The following KIRREL2 variants were observed in gnomAD, a reference collection of about 807,000 sequenced individuals.
The protein encoded by KIRREL2 is kin of IRRE-like protein 2.
KIRREL2 carries 56 observed loss-of-function variants against 73.4 expected under a neutral mutation model. That is an observed-to-expected ratio of 0.76 (90% CI 0.62 to 0.95). The LOEUF is 0.95. Among genes scored for constraint, KIRREL2 ranks in the 40% least tolerant of loss-of-function variants. The probability of loss-of-function intolerance (pLI) is 0.00; values close to 1 mark genes in which losing one functional copy is unlikely to be tolerated. For synonymous variants in KIRREL2, 407 were observed against 404.0 expected (o/e 1.01, Z -0.09); for missense variants, 896 against 935.0 (o/e 0.96, Z 0.54).
chr19:35,865,582 C>T (rs767122463), intron 14 of KIRREL2, among the ~76,000 whole-genome samples: 10 of 152,168 alleles, frequency 6.6e-5, no homozygotes, highest in Non-Finnish European at 1.3e-4. Flanking sequence ...CATGACAGCT[C>T]GATCATTTTG....
At chr19:35,853,740 T>A (rs1340182781), upstream of KIRREL2, among the ~76,000 whole-genome samples, 1 of 152,016 alleles carries the variant, frequency 6.6e-6, no homozygotes, top group Non-Finnish European at 1.5e-5. Flanking sequence ...GGTGTGATCA[T>A]GGCTCATTGA....
chr19:35,865,588 T>C (rs1480132534), intron 14 of KIRREL2, among the ~76,000 whole-genome samples: 1 of 152,192 alleles, frequency 6.6e-6, no homozygotes, highest in African/African-American at 2.4e-5. Context: ...AGCTCGATCA[T>C]TTTGCCTGTG....
chr19:35,862,593 C>T lies in KIRREL2; in HGVS notation c.1611C>T (p.Ser537=), dbSNP rs753470555. The change falls in exon 12 of 15, where the codon AGC becomes AGT. Residue 537 remains serine, a synonymous_variant. Transcript: ENST00000360202. ...TGGCCCTCTGCTGCTGGCGCCACAG[C>T]AAGGGTTAGTGCCTGAGCCCCGCCC... ...TGVALCCWRH[S]KASASFSEQK... is the part of the protein sequence containing the mutation. 5 of 1,604,876 alleles carry T rather than the reference C, an allele frequency of 3.1e-6. No individual in the cohort carries two copies. The highest frequency in any genetic ancestry group is 4.2e-6 in the Non-Finnish European group (5 of 1,178,134).
Position 35,860,570 on chromosome 19 carries a change from G to A in KIRREL2, c.831G>A (p.Glu277=). The change falls in exon 7 of 15, where the codon GAG becomes GAA. Residue 277 remains glutamate, a synonymous_variant. Transcript: ENST00000360202. The stretch of plus-strand genomic sequence containing the variant: ...TCGGGGCCCGCGGGCCAAGGTTAGA[G>A]GTCGTGGCAGACGCCTCGTTCCTGA... ...PVLGARGPRL[E]VVADASFLTE... 2 of 1,603,540 alleles carry A rather than the reference G, an allele frequency of 1.2e-6. No individual in the cohort carries two copies. The highest frequency in any genetic ancestry group is 8.5e-7 in the Non-Finnish European group (1 of 1,179,960).
intron 12 of KIRREL2, 136 bp downstream of exon 12, chr19:35,862,733 C>G: frequency 1.4e-6 from 1 of 734,070 alleles, no homozygotes; most frequent in East Asian, 2.6e-5. Flanking sequence ...CTCTCCTTCA[C>G]GTTCTGGTTC....
In KIRREL2 at chr19:35,864,693, G is replaced by A. The variant is rs382789; in HGVS notation, c.1771G>A (p.Glu591Lys). The A allele has an allele frequency of 2.5e-6, 4 of 1,612,882 alleles. No homozygotes were observed. The African/African-American group carries it at 4.0e-5, about 16-fold the overall frequency. Residue 591 changes from glutamate (E) to lysine (K), a missense_variant, in exon 14 of 15, where the codon GAA becomes AAA. Coordinates refer to ENST00000360202, the MANE Select transcript of KIRREL2 (RefSeq NM_199180.4). ...TDHSDLVLEEEGTLETKDPTN... is the reference protein window; with the variant it reads ...TDHSDLVLEEKGTLETKDPTN... Reference sequence around the variant, plus strand: ...CCACAGTGATCTGGTTCTGGAGGAGGAAGGGACTCTGGAGACCAAGGTGAG... The same window carrying A: ...CCACAGTGATCTGGTTCTGGAGGAGAAAGGGACTCTGGAGACCAAGGTGAG...
chr19:35,866,621 T>A lies in KIRREL2; in HGVS notation c.*129T>A. The A allele has an allele frequency of 7.2e-7, 1 of 1,380,528 alleles. No individual in the cohort carries two copies. Among genetic ancestry groups the A allele is most frequent in the Non-Finnish European group, 1.0e-6 (1 of 988,060 alleles). 85.5% of individuals were successfully genotyped at this position (1,380,528 alleles called of 1,614,324 possible). On this transcript the variant is annotated 3_prime_UTR_variant, in exon 15 of 15. Coordinates refer to ENST00000360202, the MANE Select transcript of KIRREL2 (RefSeq NM_199180.4). Reference sequence around the variant, plus strand: ...GAACACAAGGGGAGGGAAAGATCATTACATTTGTCAGGAGCATTTGTATAC... The same window carrying A: ...GAACACAAGGGGAGGGAAAGATCATAACATTTGTCAGGAGCATTTGTATAC...
In KIRREL2 at chr19:35,861,995, G is replaced by C; in HGVS notation, c.1481G>C (p.Gly494Ala). ...NCSARNRLGEGGAQASLGRRD... is the reference protein window; with the variant it reads ...NCSARNRLGEAGAQASLGRRD... ...AGTGCCCGGAACCGGCTGGGCGAGG[G>C]AGGTGCCCAGGCCAGCCTGGGCCGT... is the stretch of plus-strand genomic sequence containing the variant. Residue 494 changes from glycine (G) to alanine (A), a missense_variant, in exon 11 of 15, where the codon GGA becomes GCA. Physicochemically the swap from Gly to Ala is moderately conservative, Grantham distance 60. Transcript: ENST00000360202. The C allele has an allele frequency of 1.9e-6, 3 of 1,611,686 alleles. No homozygotes were observed. Among genetic ancestry groups the C allele is most frequent in the Non-Finnish European group, 2.5e-6 (3 of 1,179,190 alleles).
At chr19:35,861,063 C>T in intron 8 of KIRREL2, 27 bp downstream of exon 8, 1 of 1,606,204 alleles carries the variant, frequency 6.2e-7, no homozygotes. Flanking sequence ...GAGGCGGTGG[C>T]TGGAGGGGGA....
In KIRREL2 at chr19:35,859,004, G is replaced by T. The variant is rs947722402; in HGVS notation, c.522+140G>T. 2.1e-5 allele frequency: 20 copies of T among 957,538 alleles called. No individual in the cohort carries two copies. The African/African-American group carries it at 2.2e-4, about 10-fold the overall frequency. 59.3% of individuals were successfully genotyped at this position (957,538 alleles called of 1,614,324 possible). On this transcript the variant is annotated intron_variant, in intron 4 of 14. Coordinates refer to ENST00000360202, the MANE Select transcript of KIRREL2 (RefSeq NM_199180.4). ...TTGGACTCTTGAAATATGATGCAGG[G>T]TAAAGATTCTAGGGCCAGACTACCT...
At chr19:35,862,096 G>C in intron 11 of KIRREL2, 72 bp downstream of exon 11, 1 of 1,365,380 alleles carries the variant, frequency 7.3e-7, no homozygotes, top group South Asian at 1.3e-5. Context: ...CCCCAGCCGA[G>C]GGCTGCAAAA....
Position 35,866,640 on chromosome 19 carries a change from T to C in KIRREL2, c.*148T>C. On this transcript the variant is annotated 3_prime_UTR_variant, in exon 15 of 15. Transcript: ENST00000360202. ...GATCATTACATTTGTCAGGAGCATT[T>C]GTATACAGTCAGCTCAGCCAAAGGA... 1 of 1,236,230 alleles carries C rather than the reference T, an allele frequency of 8.1e-7. No individual in the cohort carries two copies. Among genetic ancestry groups the C allele is most frequent in the Non-Finnish European group, 1.2e-6 (1 of 866,364 alleles). The allele number at this position is 1,236,230 out of a possible 1,614,324, so 76.6% of individuals were successfully genotyped here.
rs1027766667 is a variant in KIRREL2 at position 35,866,270 on chromosome 19, G to A, written c.1905G>A (p.Gly635=). ...LPPPSPLGPP[G]TPTFYDFNPH... is the part of the protein sequence containing the mutation. ...CACCCTCCCCCCTTGGGCCCCCAGG[G>A]ACCCCTACCTTCTATGACTTCAACC... Residue 635 remains glycine (G), a synonymous_variant, in exon 15 of 15, where the codon GGG becomes GGA. Transcript: ENST00000360202. 1.2e-6 allele frequency: 2 copies of A among 1,612,062 alleles called. No individual in the cohort carries two copies. Among genetic ancestry groups the A allele is most frequent in the Non-Finnish European group, 1.7e-6 (2 of 1,178,454 alleles).
intron 1 of KIRREL2, 47 bp downstream of exon 1, chr19:35,857,227 T>TGC (rs1389624556): frequency 1.3e-6 from 2 of 1,585,340 alleles, no homozygotes; most frequent in African/African-American, 2.7e-5. Flanking sequence ...GGTGGGGAGT[T>TGC]GCTTGCGGGC....
chr19:35,864,721 T>G lies in KIRREL2; in HGVS notation c.1791+8T>G. On this transcript the variant is annotated splice_region_variant and intron_variant, in intron 14 of 14. Transcript: ENST00000360202. ...GGGACTCTGGAGACCAAGGTGAGTG[T>G]TGAGAGGGGTGGGGCTCCCTTCACT... The G allele has an allele frequency of 6.2e-7, 1 of 1,605,234 alleles. No individual in the cohort carries two copies. Among genetic ancestry groups the G allele is most frequent in the Non-Finnish European group, 8.5e-7 (1 of 1,171,936 alleles).
rs773105407 is a variant in KIRREL2 at position 35,858,860 on chromosome 19, A to G, written c.518A>G (p.His173Arg). Residue 173 changes from histidine to arginine, a missense_variant, in exon 4 of 15, where the codon CAT becomes CGT. Coordinates refer to ENST00000360202, the MANE Select transcript of KIRREL2 (RefSeq NM_199180.4). ...GTCCTGTTGGATGGAGCCACCTTCC[A>G]TCAGGTCAGGTCCAAATTCCTGTGC... ...DGVLLDGATF[H>R]QTLLKEGTPG... The G allele has an allele frequency of 1.2e-6, 2 of 1,614,158 alleles. No homozygotes were observed. Among genetic ancestry groups the G allele is most frequent in the Non-Finnish European group, 8.5e-7 (1 of 1,180,022 alleles).
intron 4 of KIRREL2, 57 bp downstream of exon 4, chr19:35,858,921 T>C: frequency 6.3e-7 from 1 of 1,579,032 alleles, no homozygotes; most frequent in Non-Finnish European, 8.7e-7. Flanking sequence ...TGGGTTACAC[T>C]CTGACCACAG....
At chr19:35,862,380 T>C in intron 11 of KIRREL2, 113 bp from the exon 12 acceptor site, 1 of 812,874 alleles carries the variant, frequency 1.2e-6, no homozygotes, top group Non-Finnish European at 2.1e-6. Flanking sequence ...CAAGGGCCTT[T>C]GAATCTTCAA....
intron 7 of KIRREL2, 62 bp downstream of exon 7, chr19:35,860,729 G>C: frequency 1.3e-6 from 2 of 1,594,538 alleles, no homozygotes; most frequent in South Asian, 2.2e-5. Context: ...GGCTGTTGAG[G>C]GTCGGGGCCT....
Sources: gnomAD v4.1 joint callset for allele counts (sites outside exome capture counted in the v4.1 genomes callset) on GRCh38, gnomAD v4.1.1 for gene constraint, MANE v1.5 for transcripts, NCBI Gene and HGNC (gene_info 2026-07-23, HGNC 2026-07-21) for gene names.